DGKH: variants seen among roughly 807,000 people sequenced by gnomAD.
DGKH encodes the protein diacylglycerol kinase eta.
A neutral mutation model predicts 159.3 loss-of-function variants in DGKH; 90 were observed. That is an observed-to-expected ratio of 0.57 (90% confidence interval 0.48 to 0.67). The LOEUF (loss-of-function observed/expected upper bound fraction) is 0.67. Among genes scored for constraint, DGKH ranks in the 30% least tolerant of loss-of-function variants. The pLI, the probability that DGKH is intolerant of heterozygous loss-of-function variation, is 0.00. For missense variants in DGKH, 1,181 were observed against 1,506.1 expected (o/e 0.78, Z 3.57); for synonymous variants, 536 against 553.8 (o/e 0.97, Z 0.45).
At chr13:42,125,414 G>A (rs1177799010) in intron 1 of DGKH, among the ~76,000 whole-genome samples, 1 of 152,164 alleles carries the variant, frequency 6.6e-6, no homozygotes, top group Non-Finnish European at 1.5e-5. Context: ...TTATAATTAA[G>A]TTAGATGCAA....
chr13:42,159,633 G>A (rs1220801801), intron 6 of DGKH, among the ~76,000 whole-genome samples: 3 of 152,112 alleles, frequency 2.0e-5, no homozygotes, highest in Non-Finnish European at 4.4e-5. Context: ...ACTCTGAGAT[G>A]TTCTTTAAGG....
At chr13:42,156,268 G>A (rs1008660187) in intron 5 of DGKH, among the ~76,000 whole-genome samples, 1 of 151,954 alleles carries the variant, frequency 6.6e-6, no homozygotes, top group Admixed American at 6.6e-5. Flanking sequence ...TTCGAGAAGG[G>A]GTCTCACTCT....
intron 1 of DGKH, among the ~76,000 whole-genome samples, chr13:42,123,371 A>C (rs1955111074): frequency 6.6e-6 from 1 of 152,208 alleles, no homozygotes; most frequent in African/African-American, 2.4e-5. Flanking sequence ...CTATGTTGAG[A>C]TTAATAGTCA....
At chr13:42,221,517 C>T (rs778599822) in intron 29 of DGKH, 123 bp downstream of exon 29, 11 of 1,252,908 alleles carry the variant, frequency 8.8e-6, no homozygotes, top group Non-Finnish European at 1.2e-5. Context: ...AGTAACCTAA[C>T]ATTCACTGTC....
rs1265713342 is a variant in DGKH, at chr13:42,240,096, C to T, written c.*10908C>T. ...AACCTGTCTCTTCCACTGAACTTCT[C>T]TCTCCCCCTTTGTATTCTCAGTGTC... On this transcript the variant is annotated 3_prime_UTR_variant, in exon 30 of 30. Coordinates refer to ENST00000337343, the MANE Select transcript of DGKH (RefSeq NM_178009.5). 6.6e-6 allele frequency: 1 copy of T among 152,212 alleles called. No individual in the cohort carries two copies. Among genetic ancestry groups the T allele is most frequent in the Non-Finnish European group, 1.5e-5 (1 of 68,034 alleles). The allele number at this position is 152,212 out of a possible 1,614,324, so 9.4% of individuals were successfully genotyped here.
At chr13:42,108,036 TAA>T (rs1020009658) in intron 1 of DGKH, among the ~76,000 whole-genome samples, 1 of 152,138 alleles carries the variant, frequency 6.6e-6, no homozygotes, top group Non-Finnish European at 1.5e-5. Context: ...TACGAGTCCT[TAA>T]AAGAAGAGTC....
intron 29 of DGKH, among the ~76,000 whole-genome samples, chr13:42,226,856 C>CAAA (rs71202214): frequency 7.5e-6 from 1 of 132,850 alleles, no homozygotes; most frequent in East Asian, 2.3e-4. Context: ...GACTCTGTCT[C>CAAA]AAAAAAAAAA....
At chr13:42,224,892 AG>A (rs1447470298) in intron 29 of DGKH, among the ~76,000 whole-genome samples, 1 of 127,458 alleles carries the variant, frequency 7.8e-6, no homozygotes, top group Non-Finnish European at 1.8e-5. Flanking sequence ...AGTTGGGAAA[AG>A]GAAAAAAAAA....
chr13:42,163,565 G>A (rs1490983957), intron 7 of DGKH, among the ~76,000 whole-genome samples: 1 of 152,204 alleles, frequency 6.6e-6, no homozygotes, highest in Non-Finnish European at 1.5e-5. Context: ...TAACGGGTGT[G>A]AGATGGTATC....
At chr13:42,155,446 A>C (rs1956019926) in intron 4 of DGKH, 51 bp downstream of exon 4, 1 of 1,560,324 alleles carries the variant, frequency 6.4e-7, no homozygotes, top group African/African-American at 1.4e-5. Context: ...ATAAATGTTA[A>C]CCAAAGGGCT....
chr13:42,180,587 C>A (rs1359503922), intron 13 of DGKH, among the ~76,000 whole-genome samples: 2 of 152,152 alleles, frequency 1.3e-5, no homozygotes, highest in Non-Finnish European at 2.9e-5. Context: ...TTTCTTTGAC[C>A]TTGGCCTGAC....
At chr13:42,097,174 T>A (rs1954556201) in intron 1 of DGKH, among the ~76,000 whole-genome samples, 1 of 152,220 alleles carries the variant, frequency 6.6e-6, no homozygotes, top group Non-Finnish European at 1.5e-5. Context: ...GCTTTTTGTA[T>A]TCCCTTTCAG....
intron 1 of DGKH, among the ~76,000 whole-genome samples, chr13:42,099,161 G>A (rs1954604840): frequency 6.6e-6 from 1 of 152,222 alleles, no homozygotes; most frequent in East Asian, 1.9e-4. Context: ...AACCTTAAAG[G>A]TGCTCAGTTC....
chr13:42,063,424 G>A (rs897056668), intron 1 of DGKH, among the ~76,000 whole-genome samples: 4 of 152,136 alleles, frequency 2.6e-5, no homozygotes, highest in African/African-American at 9.7e-5. Flanking sequence ...TGACAGTTTA[G>A]CACAGTGGTT....
chr13:42,091,725 TAAC>T (rs1954422446), intron 1 of DGKH, among the ~76,000 whole-genome samples: 1 of 151,946 alleles, frequency 6.6e-6, no homozygotes, highest in Non-Finnish European at 1.5e-5. Context: ...AACAACTCAA[TAAC>T]AACAACAAAA....
At chr13:42,102,362 C>A (rs113881242) in intron 1 of DGKH, among the ~76,000 whole-genome samples, 3 of 152,216 alleles carry the variant, frequency 2.0e-5, no homozygotes, top group African/African-American at 7.2e-5. Context: ...TGTCCAGGGG[C>A]CAGGAGAAGC....
intron 2 of DGKH, 89 bp downstream of exon 2, chr13:42,127,662 G>T (rs145137625): frequency 2.2e-6 from 2 of 926,592 alleles, no homozygotes; most frequent in Admixed American, 2.1e-5. Context: ...TCTTGGAAGC[G>T]CACTGTAGCA....
At chr13:42,202,594 G>A (rs542403339) in intron 20 of DGKH, among the ~76,000 whole-genome samples, 2 of 152,290 alleles carry the variant, frequency 1.3e-5, no homozygotes, top group South Asian at 4.1e-4. Context: ...CCAAGGTACT[G>A]TAAATCACAG....
intron 1 of DGKH, among the ~76,000 whole-genome samples, chr13:42,102,089 C>T (rs892967179): frequency 1.3e-5 from 2 of 152,164 alleles, no homozygotes; most frequent in African/African-American, 2.4e-5. Context: ...AGATCAAGGC[C>T]GGGGCTGGGA....
Sources: gnomAD v4.1 joint callset for allele counts (sites outside exome capture counted in the v4.1 genomes callset) on GRCh38, gnomAD v4.1.1 for gene constraint, MANE v1.5 for transcripts, NCBI Gene and HGNC (gene_info 2026-07-23, HGNC 2026-07-21) for gene names.